SEPTIN2: variants seen among roughly 807,000 people sequenced by gnomAD.
The protein encoded by SEPTIN2 is septin 2.
A neutral mutation model predicts 46.5 loss-of-function variants in SEPTIN2; 34 were observed. The ratio of observed to expected loss-of-function variants is 0.73; its 90% CI spans 0.56 to 0.97. SEPTIN2 has a LOEUF of 0.97. Ranked by LOEUF, SEPTIN2 falls within the 50% of genes least tolerant of loss-of-function variation. SEPTIN2 has a pLI of 0.00. For missense variants in SEPTIN2, 347 were observed against 448.4 expected (o/e 0.77, Z 2.04); for synonymous variants, 175 against 153.4 (o/e 1.14, Z -1.04).
chr2:241,343,792 T>A lies in SEPTIN2; in HGVS notation c.737T>A (p.Ile246Asn). The A allele has an allele frequency of 1.2e-6, 2 of 1,614,202 alleles. No homozygotes were observed. Among genetic ancestry groups the A allele is most frequent in the Non-Finnish European group, 1.7e-6 (2 of 1,180,026 alleles). Reference sequence around the variant, plus strand: ...TCTGTGGTTGGATCCAATCAGTTGATTGAAGCCAAAGGAAAGAAGGTCAGA... The same window carrying A: ...TCTGTGGTTGGATCCAATCAGTTGAATGAAGCCAAAGGAAAGAAGGTCAGA... ...PFSVVGSNQL[I>N]EAKGKKVRGR... Residue 246 changes from isoleucine to asparagine, a missense_variant, in exon 9 of 13, where the codon ATT becomes AAT. Ile to Asn is a moderately radical substitution (Grantham distance 149, BLOSUM62 -3). Coordinates refer to ENST00000391971, the MANE Select transcript of SEPTIN2 (RefSeq NM_004404.5).
Position 241,324,413 on chromosome 2 carries a change from G to C in SEPTIN2, c.9+172G>C, listed in dbSNP as rs1374618088. On this transcript the variant is annotated intron_variant, in intron 2 of 12. Transcript: ENST00000391971. ...CTTTTTTTTTTTTTTTTTGAGACGG[G>C]AGTCTTGTTCTGTCACCAGGCTGGA... 5.3e-6 allele frequency: 3 copies of C among 568,396 alleles called. No homozygotes were observed. The South Asian group carries it at 6.1e-5, about 12-fold the overall frequency. The allele number at this position is 568,396 out of a possible 1,614,324, so 35.2% of individuals were successfully genotyped here. A position where few individuals can be genotyped will look rare whatever the true frequency, so the allele number is the denominator to read the frequency against.
Position 241,352,654 on chromosome 2 carries a change from G to C in SEPTIN2, c.*717G>C, listed in dbSNP as rs1427356185. 6.6e-6 allele frequency: 1 copy of C among 152,154 alleles called. No individual in the cohort carries two copies. The highest frequency in any genetic ancestry group is 1.5e-5 in the Non-Finnish European group (1 of 68,014). The allele number at this position is 152,154 out of a possible 1,614,324, so 9.4% of individuals were successfully genotyped here. ...GTTGTTTTTAAAACCACTATGCAAA[G>C]AACTCACCACAAGCCACCTTTTGTA... is the stretch of plus-strand genomic sequence containing the variant. On this transcript the variant is annotated 3_prime_UTR_variant, in exon 13 of 13. Coordinates refer to ENST00000391971, the MANE Select transcript of SEPTIN2 (RefSeq NM_004404.5).
At chr2:241,338,402 C>T (rs73002108) in intron 7 of SEPTIN2, among the ~76,000 whole-genome samples, 2,341 of 151,414 alleles carry the variant, frequency 0.015, 34 homozygotes, top group Non-Finnish European at 0.024. Context: ...AAATACAAAT[C>T]CCTAACTGAA....
At chr2:241,333,323 G>A (rs1021829022) in intron 3 of SEPTIN2, among the ~76,000 whole-genome samples, 1 of 152,114 alleles carries the variant, frequency 6.6e-6, no homozygotes, top group Non-Finnish European at 1.5e-5. Flanking sequence ...GACTTCTAAA[G>A]AAACAGGTAA....
At chr2:241,317,620 T>C (rs1422248355) in intron 1 of SEPTIN2, 1 of 947,960 alleles carries the variant, frequency 1.1e-6, no homozygotes, top group Non-Finnish European at 1.3e-6. Flanking sequence ...TTGTATTGTC[T>C]GTTCTGTTAG....
At chr2:241,331,697 A>C (rs1014416445) in intron 3 of SEPTIN2, among the ~76,000 whole-genome samples, 1 of 152,222 alleles carries the variant, frequency 6.6e-6, no homozygotes, top group Admixed American at 6.5e-5. Flanking sequence ...TCCAGCTCCA[A>C]CTTTCAGAAA....
intron 4 of SEPTIN2, 114 bp downstream of exon 4, chr2:241,335,326 G>C: frequency 6.4e-7 from 1 of 1,554,576 alleles, no homozygotes; most frequent in Non-Finnish European, 8.7e-7. Flanking sequence ...GTTCAGCTTT[G>C]AACACAAGGA....
Position 241,343,040 on chromosome 2 carries a change from G to T in SEPTIN2, c.643G>T (p.Asp215Tyr), listed in dbSNP as rs1299387959. 1 of 1,611,198 alleles carries T rather than the reference G, an allele frequency of 6.2e-7. No homozygotes were observed. ...TAACATCAAAATCTATCACTTACCT[G>T]ATGCAGAATCAGATGAAGATGAAGA... ...EHNIKIYHLP[D>Y]AESDEDEDFK... Residue 215 changes from aspartate (D) to tyrosine (Y), a missense_variant, in exon 8 of 13, where the codon GAT becomes TAT. Transcript: ENST00000391971.
intron 3 of SEPTIN2, among the ~76,000 whole-genome samples, chr2:241,327,690 TAGAG>T (rs2078232544): frequency 6.6e-6 from 1 of 151,222 alleles, no homozygotes; most frequent in Admixed American, 6.6e-5. Context: ...GAAGAAATAA[TAGAG>T]AAAAGCACAC....
At position 241,352,475 on chromosome 2, in the gene SEPTIN2, G is replaced by C. The variant is rs975990584; in HGVS notation, c.*538G>C. On this transcript the variant is annotated 3_prime_UTR_variant, in exon 13 of 13. Transcript: ENST00000391971. Reference sequence around the variant, plus strand: ...TGTTTGTACACAACACCTAAAACCAGTTTTGCTGCTATAATTCTATACTGT... The same window carrying C: ...TGTTTGTACACAACACCTAAAACCACTTTTGCTGCTATAATTCTATACTGT... 2.0e-5 allele frequency: 3 copies of C among 152,594 alleles called. No individual in the cohort carries two copies. Among genetic ancestry groups the C allele is most frequent in the African/African-American group, 7.2e-5 (3 of 41,426 alleles). The allele number at this position is 152,594 out of a possible 1,614,324, so 9.5% of individuals were successfully genotyped here. A position where few individuals can be genotyped will look rare whatever the true frequency, so the allele number is the denominator to read the frequency against.
At chr2:241,338,321 A>AAATTG (rs1050795125) in intron 7 of SEPTIN2, among the ~76,000 whole-genome samples, 7 of 152,042 alleles carry the variant, frequency 4.6e-5, no homozygotes, top group Non-Finnish European at 1.5e-5. Context: ...ATATATTTTT[A>AAATTG]AATTGCTTAC....
chr2:241,335,350 G>A (rs759285073), intron 4 of SEPTIN2, 138 bp downstream of exon 4: 1 of 1,552,724 alleles, frequency 6.4e-7, no homozygotes, highest in Non-Finnish European at 8.7e-7. Context: ...CACTTTTATG[G>A]GGTAGGTGTG....
At chr2:241,338,999 T>TATAAATATTATATTTATAC (rs2080855296) in intron 7 of SEPTIN2, among the ~76,000 whole-genome samples, 1 of 115,952 alleles carries the variant, frequency 8.6e-6, no homozygotes, top group African/African-American at 3.3e-5. Flanking sequence ...TATAAATATA[T>TATAAATATTATATTTATAC]ATAAATATTA....
intron 1 of SEPTIN2, chr2:241,317,463 A>G (rs2076522348): frequency 1.1e-5 from 9 of 850,172 alleles, no homozygotes; most frequent in South Asian, 5.4e-5. Flanking sequence ...TCATTCATAA[A>G]TGTAATTCAG....
chr2:241,336,302 G>A (rs1201689839), intron 5 of SEPTIN2: 1 of 574,048 alleles, frequency 1.7e-6, no homozygotes, highest in Non-Finnish European at 3.0e-6. Context: ...ACTGTAATTT[G>A]AGATCGCAAA....
chr2:241,332,837 G>C (rs527691468), intron 3 of SEPTIN2, among the ~76,000 whole-genome samples: 1 of 152,324 alleles, frequency 6.6e-6, no homozygotes, highest in Non-Finnish European at 1.5e-5. Context: ...CAGTCTCAGA[G>C]CTTTGTTGAG....
At chr2:241,342,129 A>G (rs1039571714) in intron 7 of SEPTIN2, among the ~76,000 whole-genome samples, 1 of 152,076 alleles carries the variant, frequency 6.6e-6, no homozygotes, top group African/African-American at 2.4e-5. Context: ...TGTAATTCCA[A>G]TTTTTGTTTC....
chr2:241,333,882 A>C (rs565389225), intron 3 of SEPTIN2, among the ~76,000 whole-genome samples: 1 of 152,034 alleles, frequency 6.6e-6, no homozygotes, highest in East Asian at 1.9e-4. Flanking sequence ...ACAGGGTCTC[A>C]CTCTGTCACC....
At chr2:241,348,443 C>G (rs899175543) in intron 11 of SEPTIN2, among the ~76,000 whole-genome samples, 1 of 152,130 alleles carries the variant, frequency 6.6e-6, no homozygotes, top group Non-Finnish European at 1.5e-5. Context: ...GTTGGCCAGG[C>G]TGGTCTCGAA....
Sources: allele counts gnomAD v4.1 joint callset (sites outside exome capture counted in the v4.1 genomes callset), GRCh38; gene constraint gnomAD v4.1.1; transcripts MANE v1.5; gene names NCBI Gene and HGNC (gene_info 2026-07-23, HGNC 2026-07-21).